VPS35: variants seen among roughly 807,000 people sequenced by gnomAD.
VPS35 encodes the protein VPS35 retromer complex component, also known as vacuolar protein sorting-associated protein 35.
VPS35 carries 21 observed loss-of-function variants against 98.1 expected under a neutral mutation model. The observed-to-expected ratio is 0.21, with a 90% CI of 0.15 to 0.31. The LOEUF (loss-of-function observed/expected upper bound fraction) is 0.31, where lower values mean the gene tolerates loss of function less well. VPS35 is among the 10% of genes least tolerant of loss of function. VPS35 has a pLI of 1.00. For synonymous variants in VPS35, 268 were observed against 318.2 expected (o/e 0.84, Z 1.68); for missense variants, 554 against 950.8 (o/e 0.58, Z 5.49).
At chr16:46,676,013 C>T (rs1441361412) in intron 8 of VPS35, among the ~76,000 whole-genome samples, 1 of 124,226 alleles carries the variant, frequency 8.0e-6, no homozygotes, top group African/African-American at 3.2e-5. Flanking sequence ...TGCAGTGAGC[C>T]GAGACAGCGT....
At chr16:46,671,669 A>T (rs750351111) in intron 12 of VPS35, 36 bp downstream of exon 12, 15 of 1,613,532 alleles carry the variant, frequency 9.3e-6, no homozygotes, top group Non-Finnish European at 1.2e-5. Context: ...TTTCACTAGG[A>T]GCTGATACAG....
Position 46,677,304 on chromosome 16 carries a change from T to G in VPS35, c.804+11A>C, listed in dbSNP as rs561064261. On this transcript the variant is annotated intron_variant, in intron 7 of 16. Coordinates refer to ENST00000299138, the MANE Select transcript of VPS35 (RefSeq NM_018206.6). ...AGGTCGTTTAAAAAAAAATGAAATG[T>G]TCCCAGCTACCTGAATAATACACTC... 80 of 1,611,566 alleles carry G rather than the reference T, an allele frequency of 5.0e-5. 1 individual carries two copies. The South Asian group carries it at 7.4e-4, about 15-fold the overall frequency.
At chr16:46,677,451 G>C in intron 6 of VPS35, 53 bp from the exon 7 acceptor site, 1 of 1,471,808 alleles carries the variant, frequency 6.8e-7, no homozygotes, top group Non-Finnish European at 9.5e-7. Context: ...AAAATCTTAA[G>C]CTATTCCTCT....
intron 12 of VPS35, chr16:46,669,335 C>T: frequency 4.9e-6 from 2 of 405,402 alleles, no homozygotes; most frequent in South Asian, 4.3e-5. Flanking sequence ...AATATATTTT[C>T]ATACACACAT....
chr16:46,668,643 C>A (rs1381832790), intron 13 of VPS35, among the ~76,000 whole-genome samples: 1 of 152,114 alleles, frequency 6.6e-6, no homozygotes, highest in Non-Finnish European at 1.5e-5. Context: ...TTAAAGCTAA[C>A]CTGAATTAGA....
chr16:46,671,048 C>T (rs1248012777), intron 12 of VPS35, among the ~76,000 whole-genome samples: 1 of 151,334 alleles, frequency 6.6e-6, no homozygotes, highest in African/African-American at 2.4e-5. Context: ...CCTACTCAGG[C>T]AACATGTTTT....
chr16:46,682,426 A>T, intron 2 of VPS35: 1 of 431,190 alleles, frequency 2.3e-6, no homozygotes, highest in Non-Finnish European at 4.3e-6. Flanking sequence ...TAGAATGCTA[A>T]TCTTTTCAAT....
chr16:46,689,107 T>C lies in VPS35; in HGVS notation c.3+24A>G, dbSNP rs186169135. 6,733 of 1,606,946 alleles carry C rather than the reference T, an allele frequency of 4.2e-3. 22 individuals are homozygous for C. The highest frequency in any genetic ancestry group is 4.9e-3 in the Non-Finnish European group (5,800 of 1,177,612). On this transcript the variant is annotated intron_variant, in intron 1 of 16. Transcript: ENST00000299138. Reference sequence around the variant, plus strand: ...GGGCTACAAGGAGGGTCGACCCAGGTGCCACTGCCCCCTCAGCACTCACCA... The same window carrying C: ...GGGCTACAAGGAGGGTCGACCCAGGCGCCACTGCCCCCTCAGCACTCACCA...
rs145606241 is a variant in VPS35, at chr16:46,660,183, G to A, written c.*289C>T. 1.3e-3 allele frequency: 153 copies of A among 114,842 alleles called. 1 individual carries two copies. Among genetic ancestry groups the A allele is most frequent in the Non-Finnish European group, 2.0e-4 (13 of 63,782 alleles). The allele number at this position is 114,842 out of a possible 1,614,324, so 7.1% of individuals were successfully genotyped here. A position where few individuals can be genotyped will look rare whatever the true frequency, so the allele number is the denominator to read the frequency against. ...TTAGTAGCCAAGATAAGTGCTTGTG[G>A]GTTTTGTGTTTTTTTTTTTTTTTTT... is the stretch of plus-strand genomic sequence containing the variant. On this transcript the variant is annotated 3_prime_UTR_variant, in exon 17 of 17. Coordinates refer to ENST00000299138, the MANE Select transcript of VPS35 (RefSeq NM_018206.6).
intron 1 of VPS35, chr16:46,688,578 C>T: frequency 1.0e-6 from 1 of 994,156 alleles, no homozygotes; most frequent in Non-Finnish European, 1.2e-6. Context: ...TTCATGTAAG[C>T]AGGTCCCCAG....
At chr16:46,666,710 C>T (rs761454861) in intron 13 of VPS35, among the ~76,000 whole-genome samples, 1 of 152,172 alleles carries the variant, frequency 6.6e-6, no homozygotes, top group Non-Finnish European at 1.5e-5. Flanking sequence ...ACAATGTCCT[C>T]CAGATTAATC....
At chr16:46,684,120 A>G (rs1487654433) in intron 1 of VPS35, among the ~76,000 whole-genome samples, 1 of 152,244 alleles carries the variant, frequency 6.6e-6, no homozygotes, top group East Asian at 1.9e-4. Context: ...GTATGTGTAC[A>G]AAGAATTGCC....
intron 8 of VPS35, among the ~76,000 whole-genome samples, chr16:46,676,042 G>A (rs1966144403): frequency 8.5e-6 from 1 of 117,148 alleles, no homozygotes; most frequent in African/African-American, 3.3e-5. Flanking sequence ...TCTAGCTTGG[G>A]TGACAAGAGT....
At chr16:46,669,399 C>T (rs897014185) in intron 12 of VPS35, among the ~76,000 whole-genome samples, 2 of 152,106 alleles carry the variant, frequency 1.3e-5, no homozygotes, top group African/African-American at 4.8e-5. Context: ...GGTGTGGTGA[C>T]TCATGTCTGT....
intron 1 of VPS35, among the ~76,000 whole-genome samples, chr16:46,685,980 C>A (rs561465508): frequency 3.5e-4 from 54 of 152,222 alleles, no homozygotes; most frequent in African/African-American, 1.2e-3. Context: ...CACATTAATA[C>A]AATTACCACC....
chr16:46,660,875 G>C (rs1384637474), intron 16 of VPS35: 8 of 533,206 alleles, frequency 1.5e-5, no homozygotes, highest in Non-Finnish European at 2.8e-5. Flanking sequence ...GCTCGGCTCA[G>C]TGGCTCATCC....
chr16:46,670,599 C>T (rs1255072211), intron 12 of VPS35, among the ~76,000 whole-genome samples: 1 of 152,078 alleles, frequency 6.6e-6, no homozygotes, highest in African/African-American at 2.4e-5. Context: ...GGAATAGTTT[C>T]TAACTACTAT....
At chr16:46,679,790 A>T (rs937453303) in intron 5 of VPS35, among the ~76,000 whole-genome samples, 12 of 152,208 alleles carry the variant, frequency 7.9e-5, no homozygotes, top group African/African-American at 2.7e-4. Context: ...CGGACACTCA[A>T]AACATAATAA....
At chr16:46,679,241 C>G in intron 5 of VPS35, 85 bp from the exon 6 acceptor site, 1 of 1,176,804 alleles carries the variant, frequency 8.5e-7, no homozygotes. Flanking sequence ...TCCTACTTAT[C>G]TCTATAGTAC....
Sources: allele counts gnomAD v4.1 joint callset (sites outside exome capture counted in the v4.1 genomes callset), GRCh38; gene constraint gnomAD v4.1.1; transcripts MANE v1.5; gene names NCBI Gene and HGNC (gene_info 2026-07-23, HGNC 2026-07-21).